The following MST1R variants were observed in gnomAD, a reference collection of about 807,000 sequenced individuals.
MST1R encodes macrophage-stimulating protein receptor.
In MST1R, 99 loss-of-function variants were observed where a neutral mutation model predicts 117.8. The observed-to-expected ratio is 0.84, with a 90% CI of 0.71 to 0.99. The LOEUF is 0.99. MST1R is among the 50% of genes least tolerant of loss of function. The probability of loss-of-function intolerance (pLI) is 0.00; values close to 1 mark genes in which losing one functional copy is unlikely to be tolerated. For synonymous variants in MST1R, 734 were observed against 765.3 expected, an observed-to-expected ratio of 0.96 and a Z score of 0.68; for missense variants, 1,683 against 1,840.2, an observed-to-expected ratio of 0.91 and a Z score of 1.56.
chr3:49,888,601 C>CA (rs146209932), intron 19 of MST1R, among the ~76,000 whole-genome samples: 54,986 of 131,430 alleles, frequency 0.42, 11,034 homozygotes, highest in Middle Eastern at 0.54. Flanking sequence ...GACTCTGTCT[C>CA]AAAAAAAAAA....
intron 1 of MST1R, chr3:49,899,523 G>A (rs1206673216): frequency 6.3e-6 from 2 of 317,656 alleles, no homozygotes; most frequent in Non-Finnish European, 1.2e-5. Context: ...CTGATGGTGA[G>A]TTACCCCCAT....
At chr3:49,888,695 G>C (rs1304465571) in intron 19 of MST1R, among the ~76,000 whole-genome samples, 1 of 152,116 alleles carries the variant, frequency 6.6e-6, no homozygotes, top group East Asian at 1.9e-4. Flanking sequence ...TTTACCTGCT[G>C]GGTCCTAGTG....
intron 19 of MST1R, 81 bp downstream of exon 19, chr3:49,889,843 G>T: frequency 6.5e-7 from 1 of 1,545,314 alleles, no homozygotes; most frequent in Non-Finnish European, 8.8e-7. Flanking sequence ...CAGTCAGGAA[G>T]CCAGGCAGGA....
intron 19 of MST1R, among the ~76,000 whole-genome samples, chr3:49,888,964 A>G (rs1233874207): frequency 6.6e-6 from 1 of 152,184 alleles, no homozygotes; most frequent in Non-Finnish European, 1.5e-5. Flanking sequence ...CTCTCTAGGA[A>G]TTGCCCTAGG....
chr3:49,899,188 C>T lies in MST1R; in HGVS notation c.1306G>A (p.Val436Met), dbSNP rs1041249596. The change falls in exon 2 of 20, where the codon GTG becomes ATG. Residue 436 changes from valine to methionine, a missense_variant. Physicochemically the swap from Val to Met is conservative, Grantham distance 21. Coordinates refer to ENST00000296474, the MANE Select transcript of MST1R (RefSeq NM_002447.4). ...PLLVSSSFSR[V>M]DLFNGLLGPV... Reference sequence around the variant, plus strand: ...CCCAACAGCCCATTGAATAGGTCCACACGTGAGAAGCTGCTACTGACCAGC... The same window carrying T: ...CCCAACAGCCCATTGAATAGGTCCATACGTGAGAAGCTGCTACTGACCAGC... 2 of 1,614,156 alleles carry T rather than the reference C, an allele frequency of 1.2e-6. No individual in the cohort carries two copies. Among genetic ancestry groups the T allele is most frequent in the Middle Eastern group, 1.6e-4 (1 of 6,062 alleles).
chr3:49,896,346 T>C lies in MST1R; in HGVS notation c.2498A>G (p.Asp833Gly). 1 of 1,613,836 alleles carries C rather than the reference T, an allele frequency of 6.2e-7. No homozygotes were observed. The highest frequency in any genetic ancestry group is 1.7e-5 in the Admixed American group (1 of 59,998). The change falls in exon 10 of 20, where the codon GAC (aspartate) becomes GGC (glycine). Residue 833 changes from aspartate to glycine, a missense_variant. Transcript: ENST00000296474. ...ATTCCCTGCCACCCATCCCTGGGGG[T>C]CTCGGACCACATATTCAGGAAGGCG... ...LCRLPEYVVR[D>G]PQGWVAGNLS... is the part of the protein sequence containing the mutation.
intron 14 of MST1R, among the ~76,000 whole-genome samples, chr3:49,893,915 T>A (rs9683065): frequency 0.048 from 5,805 of 119,892 alleles, 193 homozygotes; most frequent in Non-Finnish European, 0.076. Flanking sequence ...AAAAAAAAAA[T>A]AAAATAAAAT....
chr3:49,892,664 A>T (rs1180768563), intron 14 of MST1R, among the ~76,000 whole-genome samples: 5 of 120,714 alleles, frequency 4.1e-5, no homozygotes, highest in South Asian at 2.3e-4. Flanking sequence ...TCTTTTTTTT[A>T]AATTAAAAAA....
Position 49,903,647 on chromosome 3 carries a change from T to G in MST1R, c.-38A>C, listed in dbSNP as rs2108517359. 6.5e-7 allele frequency: 1 copy of G among 1,533,340 alleles called. No individual in the cohort carries two copies. The highest frequency in any genetic ancestry group is 1.3e-5 in the South Asian group (1 of 79,758). The allele number at this position is 1,533,340 out of a possible 1,614,324, so 95.0% of individuals were successfully genotyped here. ...GGACCCTAGAGGATCCCTACCGGCC[T>G]GGGCCTGGACCTGGGCGTGGGCCTG... On this transcript the variant is annotated 5_prime_UTR_variant, in exon 1 of 20. Transcript: ENST00000296474.
Position 49,897,282 on chromosome 3 carries a change from T to A in MST1R, c.2181A>T (p.Ala727=), listed in dbSNP as rs1247292906. 6.2e-7 allele frequency: 1 copy of A among 1,605,058 alleles called. No individual in the cohort carries two copies. The highest frequency in any genetic ancestry group is 1.7e-5 in the Admixed American group (1 of 58,668). The change falls in exon 7 of 20, where the codon GCA becomes GCT. Residue 727 remains alanine (A), a splice_region_variant and synonymous_variant. Coordinates refer to ENST00000296474, the MANE Select transcript of MST1R (RefSeq NM_002447.4). ...VLVNGTECLL[A]RVSEGQLLCA... ...CATGCCTGCCTGGTGGTACTTACCG[T>A]GCTAGCAGACACTCAGTCCCATTGA...
chr3:49,889,878 T>C, intron 19 of MST1R, 46 bp downstream of exon 19: 1 of 1,611,102 alleles, frequency 6.2e-7, no homozygotes, highest in Non-Finnish European at 8.5e-7. Context: ...CTCTTCCATG[T>C]CTCTGGGGCC....
chr3:49,896,348 T>C lies in MST1R; in HGVS notation c.2496A>G (p.Arg832=). ...TCCCTGCCACCCATCCCTGGGGGTC[T>C]CGGACCACATATTCAGGAAGGCGGC... ...QLCRLPEYVV[R]DPQGWVAGNL... Residue 832 remains arginine, a synonymous_variant, in exon 10 of 20, where the codon CGA becomes CGG. Coordinates refer to ENST00000296474, the MANE Select transcript of MST1R (RefSeq NM_002447.4). 1.2e-6 allele frequency: 2 copies of C among 1,614,034 alleles called. No homozygotes were observed. The highest frequency in any genetic ancestry group is 3.3e-5 in the Admixed American group (2 of 60,020).
rs139157266 is a variant in MST1R, at chr3:49,902,992, G to C, written c.618C>G (p.Ala206=). 2 of 1,613,144 alleles carry C rather than the reference G, an allele frequency of 1.2e-6. No individual in the cohort carries two copies. The highest frequency in any genetic ancestry group is 1.7e-6 in the Non-Finnish European group (2 of 1,180,026). ...YFYVASSLDA[A]VAASFSPRSV... is the part of the protein sequence containing the mutation. Reference sequence around the variant, plus strand: ...AGCGTGGGCTGAAGCTGGCAGCCACGGCTGCGTCCAGTGAGGATGCCACGT... The same window carrying C: ...AGCGTGGGCTGAAGCTGGCAGCCACCGCTGCGTCCAGTGAGGATGCCACGT... Residue 206 remains alanine (A), a synonymous_variant, in exon 1 of 20, where the codon GCC becomes GCG. Transcript: ENST00000296474.
chr3:49,891,152 C>T, intron 17 of MST1R, 45 bp downstream of exon 17: 1 of 1,569,834 alleles, frequency 6.4e-7, no homozygotes, highest in Non-Finnish European at 8.7e-7. Flanking sequence ...CGCACACCCT[C>T]ATGCCCTGTC....
rs142084339 is a variant in MST1R at position 49,896,848 on chromosome 3, G to A, written c.2226C>T (p.Ala742=). The A allele has an allele frequency of 2.6e-6, 4 of 1,548,784 alleles. No individual in the cohort carries two copies. Among genetic ancestry groups the A allele is most frequent in the Non-Finnish European group, 3.5e-6 (4 of 1,146,102 alleles). The change falls in exon 8 of 20, where the codon GCC becomes GCT. Residue 742 remains alanine, a synonymous_variant. Coordinates refer to ENST00000296474, the MANE Select transcript of MST1R (RefSeq NM_002447.4). ...GQLLCATPPG[A]TVASVPLSLQ... is the part of the protein sequence containing the mutation. Reference sequence around the variant, plus strand: ...GGCTAAGGGGGACACTGGCCACCGTGGCCCCAGGGGGTGTGGCACATAAAA... The same window carrying A: ...GGCTAAGGGGGACACTGGCCACCGTAGCCCCAGGGGGTGTGGCACATAAAA...
Position 49,891,193 on chromosome 3 carries a change from T to C in MST1R, c.3644+4A>G. 6.2e-7 allele frequency: 1 copy of C among 1,613,376 alleles called. No individual in the cohort carries two copies. The highest frequency in any genetic ancestry group is 8.5e-7 in the Non-Finnish European group (1 of 1,179,808). ...GCTTCACCCCAGCTACTCTGGACTC[T>C]CACATGCAGTTCCGCGCAGCCAGGT... is the stretch of plus-strand genomic sequence containing the variant. On this transcript the variant is annotated splice_donor_region_variant and intron_variant, in intron 17 of 19. Coordinates refer to ENST00000296474, the MANE Select transcript of MST1R (RefSeq NM_002447.4).
intron 16 of MST1R, 31 bp from the exon 17 acceptor site, chr3:49,891,337 G>A (rs2108386956): frequency 6.2e-7 from 1 of 1,613,694 alleles, no homozygotes; most frequent in Non-Finnish European, 8.5e-7. Context: ...GTGGGCAAGG[G>A]CACAGCAGCT....
At position 49,897,549 on chromosome 3, in the gene MST1R, T is replaced by G. The variant is rs1210455991; in HGVS notation, c.2017A>C (p.Thr673Pro). ...AAAGAGAAGCCTCTCAGCACGGAGG[T>G]GCCGTCTACCCGGAAGTGCTTGCCC... Reference protein sequence around the residue: ...PPGKHFRVDGTSVLRGFSFME... With the variant: ...PPGKHFRVDGPSVLRGFSFME... Residue 673 changes from threonine to proline, a missense_variant, in exon 6 of 20, where the codon ACC (threonine) becomes CCC (proline). By Grantham distance (38) the Thr-to-Pro change is conservative. Transcript: ENST00000296474. 3 of 1,613,880 alleles carry G rather than the reference T, an allele frequency of 1.9e-6. No homozygotes were observed. The Admixed American group carries it at 5.0e-5, about 27-fold the overall frequency.
At chr3:49,890,184 G>T in intron 18 of MST1R, 124 bp from the exon 19 acceptor site, 2 of 1,230,404 alleles carry the variant, frequency 1.6e-6, no homozygotes, top group Non-Finnish European at 2.2e-6. Flanking sequence ...TCCACTGAGA[G>T]CTCATTCCTC....
Sources: gnomAD v4.1 joint callset for allele counts (sites outside exome capture counted in the v4.1 genomes callset) on GRCh38, gnomAD v4.1.1 for gene constraint, MANE v1.5 for transcripts, NCBI Gene and HGNC (gene_info 2026-07-23, HGNC 2026-07-21) for gene names.